ZNF469: variants seen among roughly 807,000 people sequenced by gnomAD.
ZNF469 encodes zinc finger protein 469.
Under a neutral mutation model 1.0 loss-of-function variants are expected in ZNF469, and 1 was observed. That is an observed-to-expected ratio of 1.00 (90% CI 0.35 to 4.73). ZNF469 has a LOEUF of 4.73. ZNF469 is among the 30% of genes most tolerant of loss of function. The pLI is 0.16. For synonymous variants in ZNF469, 2,703 were observed against 2,363.4 expected (o/e 1.14, Z -4.17); for missense variants, 6,100 against 5,356.3 (o/e 1.14, Z -4.33).
chr16:88,421,247 C>G (rs913692882), intron 1 of ZNF469, among the ~76,000 whole-genome samples: 2 of 152,210 alleles, frequency 1.3e-5, no homozygotes, highest in East Asian at 3.9e-4. Flanking sequence ...CCAACCTGCT[C>G]TTGAGTTACC....
chr16:88,231,214 G>C, the ZNF469 span, among the ~76,000 whole-genome samples: 2 of 152,196 alleles, frequency 1.3e-5, no homozygotes, highest in Non-Finnish European at 2.9e-5. The surrounding 1 kb of genome is among the most constrained non-coding windows in gnomAD (Gnocchi z 4.5). Flanking sequence ...GCCCAAACGG[G>C]AGGAACAGGA....
the ZNF469 span, among the ~76,000 whole-genome samples, chr16:88,327,327 C>A: frequency 1.3e-5 from 2 of 152,232 alleles, no homozygotes; most frequent in Non-Finnish European, 2.9e-5. Flanking sequence ...CTGGTCCTCC[C>A]GGCCTCGCCT....
the ZNF469 span, among the ~76,000 whole-genome samples, chr16:88,242,798 A>G: frequency 1.3e-5 from 2 of 152,362 alleles, no homozygotes; most frequent in Admixed American, 6.5e-5. Context: ...TCTAAAGCCC[A>G]GGGTGTTTAC....
chr16:88,263,233 C>G, the ZNF469 span, among the ~76,000 whole-genome samples: 1 of 152,196 alleles, frequency 6.6e-6, no homozygotes, highest in Non-Finnish European at 1.5e-5. Flanking sequence ...ATGCCTCCCC[C>G]ACCCCACCCA....
chr16:88,105,970 AG>A, the ZNF469 span, among the ~76,000 whole-genome samples: 1 of 152,248 alleles, frequency 6.6e-6, no homozygotes, highest in African/African-American at 2.4e-5. Flanking sequence ...TGCAAGCTGC[AG>A]GCCAACTGGG....
At chr16:88,322,109 T>C in the ZNF469 span, among the ~76,000 whole-genome samples, 2 of 152,234 alleles carry the variant, frequency 1.3e-5, no homozygotes, top group African/African-American at 2.4e-5. Flanking sequence ...TACAGCATCA[T>C]GGAGCCACGG....
chr16:88,206,094 C>G, the ZNF469 span, among the ~76,000 whole-genome samples: 1 of 152,168 alleles, frequency 6.6e-6, no homozygotes, highest in Non-Finnish European at 1.5e-5. Context: ...GCTGACCCCC[C>G]GTGTTTTCCA....
chr16:88,229,646 CTGA>C, the ZNF469 span, among the ~76,000 whole-genome samples: 44 of 66,558 alleles, frequency 6.6e-4, no homozygotes, highest in Middle Eastern at 9.8e-3. Context: ...CGTGTGTGTG[CTGA>C]TGTCACGCGT....
the ZNF469 span, among the ~76,000 whole-genome samples, chr16:88,236,844 ACT>A: frequency 2.7e-5 from 4 of 146,618 alleles, no homozygotes; most frequent in East Asian, 8.0e-4. Flanking sequence ...ACACAGCGAG[ACT>A]CTGTCTCAAA....
chr16:88,203,004 A>C, the ZNF469 span, among the ~76,000 whole-genome samples: 6 of 152,188 alleles, frequency 3.9e-5, no homozygotes, highest in Non-Finnish European at 5.9e-5. Context: ...ATCCAGGTAC[A>C]GTGCTCAGTC....
At chr16:88,249,423 C>T in the ZNF469 span, among the ~76,000 whole-genome samples, 77 of 61,704 alleles carry the variant, frequency 1.2e-3, no homozygotes, top group South Asian at 1.5e-3. Context: ...CTTTCTTTTT[C>T]TTTTTCTTTT....
the ZNF469 span, among the ~76,000 whole-genome samples, chr16:88,201,192 A>G: frequency 2.0e-5 from 3 of 152,244 alleles, no homozygotes; most frequent in Admixed American, 2.0e-4. The surrounding 1 kb of genome is among the most constrained non-coding windows in gnomAD (Gnocchi z 5.0). Flanking sequence ...AGAACGGGGC[A>G]GAAGGTGAAT....
the ZNF469 span, among the ~76,000 whole-genome samples, chr16:88,125,906 C>T: frequency 1.3e-5 from 2 of 151,956 alleles, no homozygotes; most frequent in Non-Finnish European, 2.9e-5. Context: ...TAAAAAGTTC[C>T]GGTTGGGCGC....
At chr16:88,122,627 T>C in the ZNF469 span, among the ~76,000 whole-genome samples, 2 of 152,014 alleles carry the variant, frequency 1.3e-5, no homozygotes, top group Admixed American at 6.6e-5. Flanking sequence ...GGTCAAGCAT[T>C]TACCCTGTGT....
the ZNF469 span, among the ~76,000 whole-genome samples, chr16:88,176,235 C>T: frequency 6.7e-6 from 1 of 150,210 alleles, no homozygotes. Context: ...TTCCAGCCTT[C>T]TGTCCATCAT....
At chr16:88,164,479 G>T in the ZNF469 span, among the ~76,000 whole-genome samples, 1 of 152,164 alleles carries the variant, frequency 6.6e-6, no homozygotes, top group Non-Finnish European at 1.5e-5. Flanking sequence ...GTGGCCAGAT[G>T]CATGAATGAG....
At chr16:88,374,635 G>A in the ZNF469 span, among the ~76,000 whole-genome samples, 3 of 152,308 alleles carry the variant, frequency 2.0e-5, no homozygotes, top group South Asian at 6.2e-4. Context: ...TCTTGTGATG[G>A]GTAGGATGTT....
chr16:88,216,350 C>T, the ZNF469 span, among the ~76,000 whole-genome samples: 20,616 of 151,860 alleles, frequency 0.14, 1,587 homozygotes, highest in East Asian at 0.3. Flanking sequence ...AAAAATTAGC[C>T]GGGCGCGGTG....
chr16:88,202,764 G>C, the ZNF469 span, among the ~76,000 whole-genome samples: 1 of 152,160 alleles, frequency 6.6e-6, no homozygotes, highest in Non-Finnish European at 1.5e-5. Flanking sequence ...TCTCGAGTCT[G>C]CTCTGGGTCA....
Sources: allele counts gnomAD v4.1 joint callset (sites outside exome capture counted in the v4.1 genomes callset), GRCh38; gene constraint gnomAD v4.1.1; non-coding constraint Gnocchi (gnomAD v3.1); transcripts MANE v1.5; gene names NCBI Gene and HGNC (gene_info 2026-07-23, HGNC 2026-07-21).